ALMS1: variants seen among roughly 807,000 people sequenced by gnomAD.
The protein encoded by ALMS1 is ALMS1 centrosome and basal body associated protein.
ALMS1 carries 271 observed loss-of-function variants against 352.2 expected under a neutral mutation model. That is an observed-to-expected ratio of 0.77 (90% CI 0.70 to 0.85). The LOEUF (loss-of-function observed/expected upper bound fraction) is 0.85. ALMS1 is among the 40% of genes least tolerant of loss of function. The pLI is 0.00. For missense variants in ALMS1, 5,445 were observed against 4,870.7 expected (o/e 1.12, Z -3.51); for synonymous variants, 1,865 against 1,761.2 (o/e 1.06, Z -1.48).
At chr2:73,600,989 C>T in intron 18 of ALMS1, 108 bp downstream of exon 18, 2 of 1,405,200 alleles carry the variant, frequency 1.4e-6, no homozygotes, top group Non-Finnish European at 1.9e-6. Flanking sequence ...CCACCTACCC[C>T]CAGCCACAAC....
At chr2:73,577,105 A>G (rs867707096) in intron 16 of ALMS1, among the ~76,000 whole-genome samples, 36 of 152,308 alleles carry the variant, frequency 2.4e-4, no homozygotes, top group Middle Eastern at 3.4e-3. Flanking sequence ...ATATTTGTCT[A>G]TAGTTTCTTT....
chr2:73,543,716 A>C (rs1302769769), intron 12 of ALMS1, among the ~76,000 whole-genome samples: 2 of 152,240 alleles, frequency 1.3e-5, no homozygotes, highest in East Asian at 3.8e-4. Flanking sequence ...GGATATGAAC[A>C]GACACTTCTC....
intron 7 of ALMS1, among the ~76,000 whole-genome samples, chr2:73,438,515 A>T (rs1291436270): frequency 6.6e-6 from 1 of 152,220 alleles, no homozygotes; most frequent in Non-Finnish European, 1.5e-5. Flanking sequence ...GGACATACTG[A>T]GTTTGATTTG....
At chr2:73,505,931 C>T (rs996335392) in intron 10 of ALMS1, among the ~76,000 whole-genome samples, 1 of 152,106 alleles carries the variant, frequency 6.6e-6, no homozygotes, top group Non-Finnish European at 1.5e-5. Flanking sequence ...TTAGGTCTTA[C>T]ATTTAAGTCT....
At chr2:73,442,107 G>A (rs61388780) in intron 7 of ALMS1, among the ~76,000 whole-genome samples, 7,169 of 151,954 alleles carry the variant, frequency 0.047, 569 homozygotes, top group East Asian at 0.41. Context: ...AGCATTTTAT[G>A]TATTATTATT....
At chr2:73,569,407 A>T (rs936678786) in intron 15 of ALMS1, among the ~76,000 whole-genome samples, 3 of 152,154 alleles carry the variant, frequency 2.0e-5, no homozygotes, top group Admixed American at 2.0e-4. Context: ...ATATTAGGGA[A>T]TAAACATTTT....
intron 11 of ALMS1, among the ~76,000 whole-genome samples, chr2:73,523,358 G>A (rs1397947423): frequency 6.6e-6 from 1 of 152,114 alleles, no homozygotes; most frequent in Non-Finnish European, 1.5e-5. Flanking sequence ...TCCTTCATTT[G>A]GAAGTGAGTT....
intron 12 of ALMS1, among the ~76,000 whole-genome samples, chr2:73,549,611 T>G (rs1674387813): frequency 6.6e-6 from 1 of 152,212 alleles, no homozygotes; most frequent in South Asian, 2.1e-4. Flanking sequence ...TCTTCCTTCC[T>G]CTCTATATCA....
intron 11 of ALMS1, among the ~76,000 whole-genome samples, chr2:73,528,097 G>T (rs560728846): frequency 1.3e-5 from 2 of 151,912 alleles, no homozygotes; most frequent in African/African-American, 4.8e-5. Flanking sequence ...TTATTTCATT[G>T]TGATCAGAGA....
chr2:73,549,153 T>A (rs1035794102), intron 12 of ALMS1, among the ~76,000 whole-genome samples: 3 of 152,226 alleles, frequency 2.0e-5, no homozygotes, highest in Non-Finnish European at 4.4e-5. Context: ...AGGAGATTAG[T>A]ATAAGCCTTT....
At chr2:73,430,601 G>A (rs778166492) in intron 6 of ALMS1, among the ~76,000 whole-genome samples, 4 of 152,184 alleles carry the variant, frequency 2.6e-5, no homozygotes, top group African/African-American at 4.8e-5. Flanking sequence ...TATGATGGTA[G>A]TCCCATAAGA....
At chr2:73,580,804 T>C (rs1350189896) in intron 16 of ALMS1, among the ~76,000 whole-genome samples, 1 of 152,208 alleles carries the variant, frequency 6.6e-6, no homozygotes, top group African/African-American at 2.4e-5. Context: ...CTGTACTCTT[T>C]GTTGTTGTGT....
Position 73,448,461 on chromosome 2 carries a change from C to A in ALMS1, c.1934C>A (p.Pro645His). 1 of 1,613,804 alleles carries A rather than the reference C, an allele frequency of 6.2e-7. No individual in the cohort carries two copies. Among genetic ancestry groups the A allele is most frequent in the Non-Finnish European group, 8.5e-7 (1 of 1,179,900 alleles). Reference protein sequence around the residue: ...ELPESNLTEEPLEVSAAPGPV... With the variant: ...ELPESNLTEEHLEVSAAPGPV... Reference sequence around the variant, plus strand: ...CCAGAGAGTAACTTAACCGAAGAGCCTTTGGAAGTTTCAGCTGCTCCTGGC... The same window carrying A: ...CCAGAGAGTAACTTAACCGAAGAGCATTTGGAAGTTTCAGCTGCTCCTGGC... Residue 645 changes from proline to histidine, a missense_variant, in exon 8 of 23, where the codon CCT becomes CAT. Transcript: ENST00000613296.
At chr2:73,425,027 C>T (rs909239867) in intron 5 of ALMS1, 125 bp downstream of exon 5, 2 of 759,716 alleles carry the variant, frequency 2.6e-6, no homozygotes, top group East Asian at 2.7e-5. Flanking sequence ...GAACTTTGCA[C>T]CACCCAGAAA....
intron 9 of ALMS1, among the ~76,000 whole-genome samples, chr2:73,464,134 C>A (rs967197847): frequency 3.3e-5 from 5 of 152,156 alleles, no homozygotes; most frequent in Admixed American, 2.6e-4. Context: ...CAGGCAGAGA[C>A]ACAACCAAAA....
At chr2:73,556,261 A>G (rs1674540015) in intron 13 of ALMS1, among the ~76,000 whole-genome samples, 1 of 150,526 alleles carries the variant, frequency 6.6e-6, no homozygotes, top group Admixed American at 6.7e-5. Context: ...TTGAAGTAAT[A>G]AGAAGTAAGA....
intron 2 of ALMS1, 116 bp downstream of exon 2, chr2:73,408,863 T>TG (rs1192212753): frequency 5.5e-6 from 3 of 544,424 alleles, no homozygotes; most frequent in South Asian, 3.2e-5. Context: ...TGTTTTCTTG[T>TG]CTTTTTTTTT....
intron 15 of ALMS1, among the ~76,000 whole-genome samples, chr2:73,569,624 C>G (rs1358689130): frequency 6.6e-6 from 1 of 152,060 alleles, no homozygotes; most frequent in Admixed American, 6.6e-5. Context: ...TGTTCCAGGC[C>G]CTGTAGAATT....
intron 16 of ALMS1, among the ~76,000 whole-genome samples, chr2:73,579,066 TTTTTATTTA>T (rs1336625748): frequency 7.3e-6 from 1 of 136,746 alleles, no homozygotes. Context: ...CTTTATTCTT[TTTTTATTTA>T]TTTTTTTTTT....
Sources: gnomAD v4.1 joint callset for allele counts (sites outside exome capture counted in the v4.1 genomes callset) on GRCh38, gnomAD v4.1.1 for gene constraint, MANE v1.5 for transcripts, NCBI Gene and HGNC (gene_info 2026-07-23, HGNC 2026-07-21) for gene names.